Variants in ZNF3 observed in about 807,000 individuals in gnomAD.
The protein encoded by ZNF3 is zinc finger protein 3, also known as C2-H2 type zinc finger protein.
ZNF3 carries 16 observed loss-of-function variants against 36.9 expected under a neutral mutation model. That is an observed-to-expected ratio of 0.43 (90% CI 0.29 to 0.66). ZNF3 has a LOEUF of 0.66. Ranked by LOEUF, ZNF3 falls within the 30% of genes least tolerant of loss-of-function variation. The probability of loss-of-function intolerance (pLI) is 0.13; values close to 1 mark genes in which losing one functional copy is unlikely to be tolerated. For missense variants in ZNF3, 462 were observed against 543.1 expected, an observed-to-expected ratio of 0.85 and a Z score of 1.48; for synonymous variants, 201 against 201.9, an observed-to-expected ratio of 1.00 and a Z score of 0.04.
chr7:100,075,004 CAA>C, intron 5 of ZNF3, 129 bp downstream of exon 5: 3 of 1,182,288 alleles, frequency 2.5e-6, no homozygotes, highest in South Asian at 3.0e-5. Flanking sequence ...TTGCACTGAG[CAA>C]AGATTGTGCC....
At chr7:100,074,602 GAAT>G (rs1231600682) in intron 5 of ZNF3, among the ~76,000 whole-genome samples, 1 of 152,192 alleles carries the variant, frequency 6.6e-6, no homozygotes, top group African/African-American at 2.4e-5. Context: ...GTAAAATGAG[GAAT>G]AATACTAGCT....
chr7:100,071,573 C>T lies in ZNF3; in HGVS notation c.911G>A (p.Arg304Lys). ...SWSSTLTHHQ[R>K]IHTGEKPYAC... ...GTAGGGTTTCTCACCAGTGTGGATT[C>T]TCTGATGGTGGGTGAGGGTGGAGCT... Residue 304 changes from arginine to lysine, a missense_variant, in exon 6 of 6, where the codon AGA becomes AAA. By Grantham distance (26) the Arg-to-Lys change is conservative. Transcript: ENST00000299667. 4 of 1,614,060 alleles carry T rather than the reference C, an allele frequency of 2.5e-6. No homozygotes were observed. The highest frequency in any genetic ancestry group is 3.4e-6 in the Non-Finnish European group (4 of 1,179,994).
chr7:100,080,118 G>A (rs1794756134), intron 1 of ZNF3, among the ~76,000 whole-genome samples: 1 of 152,178 alleles, frequency 6.6e-6, no homozygotes. Context: ...CGTTGCACCC[G>A]TGGAGAGATG....
At chr7:100,080,492 TACAC>T (rs751869834) in intron 1 of ZNF3, among the ~76,000 whole-genome samples, 42 of 146,486 alleles carry the variant, frequency 2.9e-4, no homozygotes, top group Non-Finnish European at 6.1e-4. Context: ...AAGACCTTAA[TACAC>T]ACACAAACAT....
At chr7:100,065,785 A>G (rs924936698), downstream of ZNF3, among the ~76,000 whole-genome samples, 3 of 150,748 alleles carry the variant, frequency 2.0e-5, no homozygotes, top group East Asian at 2.0e-4. Context: ...ACATATCCCA[A>G]TTATCTTCTC....
upstream of ZNF3, chr7:100,082,371 G>A (rs1429541209): frequency 3.3e-5 from 5 of 152,230 alleles, no homozygotes; most frequent in Admixed American, 6.6e-5. Context: ...ATCACCTGAG[G>A]TCAGGAGTTC....
chr7:100,064,669 C>T, exon 6 of ZNF3: 1 of 1,602,502 alleles, frequency 6.2e-7, no homozygotes. Flanking sequence ...AATCTGAAAA[C>T]CAGAAAGAAG....
Position 100,070,476 on chromosome 7 carries a change from G to A in ZNF3, c.*667C>T, listed in dbSNP as rs978718365. 7.1e-6 allele frequency: 7 copies of A among 985,482 alleles called. No homozygotes were observed. Among genetic ancestry groups the A allele is most frequent in the African/African-American group, 1.7e-5 (1 of 57,228 alleles). The allele number at this position is 985,482 out of a possible 1,614,324, so 61.0% of individuals were successfully genotyped here. ...GGACAGATTTGCCCATTCAGCCCCAGGACAACTGGGGGGGATGGCAGGGGG... is the reference window on the plus strand; with the variant it reads ...GGACAGATTTGCCCATTCAGCCCCAAGACAACTGGGGGGGATGGCAGGGGG... On this transcript the variant is annotated 3_prime_UTR_variant, in exon 6 of 6. Transcript: ENST00000299667.
At chr7:100,064,255 C>G (rs745869733) in exon 6 of ZNF3, 1 of 1,614,122 alleles carries the variant, frequency 6.2e-7, no homozygotes, top group Non-Finnish European at 8.5e-7. Context: ...TCAGAGAATG[C>G]ACACAGAAGA....
chr7:100,071,936 A>T lies in ZNF3; in HGVS notation c.548T>A (p.Val183Glu). ...KYNDFGNSFT[V>E]NSNLISHQRL... ...CTGATGTGAGATAAGGTTGGAATTCACAGTGAAGCTGTTCCCAAAATCATT... is the reference window on the plus strand; with the variant it reads ...CTGATGTGAGATAAGGTTGGAATTCTCAGTGAAGCTGTTCCCAAAATCATT... The change falls in exon 6 of 6, where the codon GTG (valine) becomes GAG (glutamate). Residue 183 changes from valine to glutamate, a missense_variant. Physicochemically the swap from Val to Glu is moderately radical, Grantham distance 121. Coordinates refer to ENST00000299667, the MANE Select transcript of ZNF3 (RefSeq NM_032924.5). The T allele has an allele frequency of 6.2e-7, 1 of 1,614,230 alleles. No individual in the cohort carries two copies. The highest frequency in any genetic ancestry group is 1.1e-5 in the South Asian group (1 of 91,086).
downstream of ZNF3, chr7:100,063,853 C>T (rs1322945971): frequency 6.2e-7 from 1 of 1,614,050 alleles, no homozygotes; most frequent in Non-Finnish European, 8.5e-7. Flanking sequence ...AGCAGAGGGG[C>T]TCAAAGGGGA....
At chr7:100,076,440 G>A (rs1431145789) in intron 3 of ZNF3, among the ~76,000 whole-genome samples, 41 of 151,972 alleles carry the variant, frequency 2.7e-4, no homozygotes, top group Admixed American at 2.5e-3. Context: ...CTACAGGTGC[G>A]TGCCACCATG....
Position 100,071,234 on chromosome 7 carries a change from A to C in ZNF3, c.1250T>G (p.Ile417Ser), listed in dbSNP as rs375141301. 19 of 1,614,100 alleles carry C rather than the reference A, an allele frequency of 1.2e-5. No individual in the cohort carries two copies. Among genetic ancestry groups the C allele is most frequent in the Non-Finnish European group, 1.5e-5 (18 of 1,180,048 alleles). ...YSSALVRHQR[I>S]HTGEKPLNGI... ...ATTCAAAGGCTTCTCTCCAGTGTGA[A>C]TTCTCTGATGGCGAACAAGAGCCGA... The change falls in exon 6 of 6, where the codon ATT becomes AGT. Residue 417 changes from isoleucine to serine, a missense_variant. Transcript: ENST00000299667.
chr7:100,081,035 A>G lies in ZNF3; in HGVS notation c.-198+600T>C. ...GAGTGTAAACACCGATGTGGATTCA[A>G]TCCCACTTCCGGAGAGAGGATCAAA... On this transcript the variant is annotated intron_variant, in intron 1 of 5. Transcript: ENST00000299667. The surrounding 1 kb of genome is among the most constrained non-coding windows in gnomAD (Gnocchi z 4.3). Among the ~76,000 whole-genome samples, 1 of 152,148 alleles carries G rather than the reference A, an allele frequency of 6.6e-6. No individual in the cohort carries two copies.
chr7:100,079,757 A>C (rs1794701819), intron 1 of ZNF3, 101 bp from the exon 2 acceptor site: 1 of 152,172 alleles, frequency 6.6e-6, no homozygotes. Context: ...GCTGGAGTGC[A>C]GTGAGTTTGA....
chr7:100,070,930 G>A lies in ZNF3; in HGVS notation c.*213C>T, dbSNP rs892056522. The A allele has an allele frequency of 7.4e-7, 1 of 1,354,660 alleles. No homozygotes were observed. 83.9% of individuals were successfully genotyped at this position (1,354,660 alleles called of 1,614,324 possible). A position where few individuals can be genotyped will look rare whatever the true frequency, so the allele number is the denominator to read the frequency against. ...AAATGGGGTAACTGGTCCCAGAGCT[G>A]CTTTCTATTCCCAGCACGCCATCCA... On this transcript the variant is annotated 3_prime_UTR_variant, in exon 6 of 6. Coordinates refer to ENST00000299667, the MANE Select transcript of ZNF3 (RefSeq NM_032924.5).
At chr7:100,069,739 G>A (rs552792877), downstream of ZNF3, among the ~76,000 whole-genome samples, 2 of 152,106 alleles carry the variant, frequency 1.3e-5, no homozygotes, top group Admixed American at 6.6e-5. Flanking sequence ...TCAGCCTCCT[G>A]AGTAGCTAGG....
downstream of ZNF3, among the ~76,000 whole-genome samples, chr7:100,069,240 G>C (rs868481034): frequency 2.0e-5 from 3 of 152,082 alleles, no homozygotes; most frequent in South Asian, 4.1e-4. Context: ...TTATAAGCAT[G>C]AGCCACTGTA....
In ZNF3 at chr7:100,064,343, C is replaced by A. The variant is rs1183000361; in HGVS notation, c.*445G>T. 6 of 1,614,180 alleles carry A rather than the reference C, an allele frequency of 3.7e-6. No individual in the cohort carries two copies. Among genetic ancestry groups the A allele is most frequent in the Admixed American group, 1.7e-5 (1 of 60,014 alleles). Reference sequence around the variant, plus strand: ...CTCATTCGTCACTATCGGATCCACACTGGGGAGAAGCCTTATCAGTGTAAC... The same window carrying A: ...CTCATTCGTCACTATCGGATCCACAATGGGGAGAAGCCTTATCAGTGTAAC... On this transcript the variant is annotated 3_prime_UTR_variant, in exon 6 of 6. Transcript: ENST00000413658.
Sources: allele counts gnomAD v4.1 joint callset (sites outside exome capture counted in the v4.1 genomes callset), GRCh38; gene constraint gnomAD v4.1.1; non-coding constraint Gnocchi (gnomAD v3.1); transcripts MANE v1.5; gene names NCBI Gene and HGNC (gene_info 2026-07-23, HGNC 2026-07-21).